Variants in ADAMTS2 observed in about 807,000 individuals in gnomAD.
ADAMTS2 encodes A disintegrin and metalloproteinase with thrombospondin motifs 2.
In ADAMTS2, 50 loss-of-function variants were observed where a neutral mutation model predicts 123.0. The ratio of observed to expected loss-of-function variants is 0.41; its 90% CI spans 0.32 to 0.51. The LOEUF (loss-of-function observed/expected upper bound fraction) is 0.51. Ranked by LOEUF, ADAMTS2 falls within the 20% of genes least tolerant of loss-of-function variation. ADAMTS2 has a pLI of 0.35. For synonymous variants in ADAMTS2, 678 were observed against 695.4 expected, an observed-to-expected ratio of 0.98 and a Z score of 0.39; for missense variants, 1,494 against 1,705.2, an observed-to-expected ratio of 0.88 and a Z score of 2.18.
intron 2 of ADAMTS2, among the ~76,000 whole-genome samples, chr5:179,343,048 C>T (rs1054928716): frequency 1.3e-5 from 2 of 152,206 alleles, no homozygotes; most frequent in Non-Finnish European, 2.9e-5. Flanking sequence ...ATGCACCCCT[C>T]AGCTCAAAAT....
chr5:179,128,188 C>CG lies in ADAMTS2; in HGVS notation c.2458-71dup. The CG allele has an allele frequency of 5.0e-6, 8 of 1,593,674 alleles. No homozygotes were observed. Among genetic ancestry groups the CG allele is most frequent in the Non-Finnish European group, 6.8e-6 (8 of 1,171,564 alleles). On this transcript the variant is annotated intron_variant, in intron 16 of 21. Coordinates refer to ENST00000251582, the MANE Select transcript of ADAMTS2 (RefSeq NM_014244.5). This position sits in a 1 kb window ranked among gnomAD's most constrained non-coding sequence, Gnocchi z 4.9. ...GCTTCCTCCCCAGCCAGCTTAGGAA[C>CG]GGCAGCTGAGGCCGACTCCAGAGGA...
At chr5:179,235,669 A>G (rs1765507639) in intron 3 of ADAMTS2, among the ~76,000 whole-genome samples, 1 of 152,214 alleles carries the variant, frequency 6.6e-6, no homozygotes, top group Admixed American at 6.5e-5. Flanking sequence ...GAGGAAGGGC[A>G]GAGAGGAAGG....
chr5:179,116,260 A>ACCCCCCCCCCCCCCCCCCCCCCCCCCCC (rs146306326), intron 21 of ADAMTS2, among the ~76,000 whole-genome samples: 5 of 93,866 alleles, frequency 5.3e-5, no homozygotes, highest in Non-Finnish European at 6.7e-5. Context: ...TGACCACGGC[A>ACCCCCCCCCCCCCCCCCCCCCCCCCCCC]CCCCCCCCCC....
At chr5:179,163,255 C>T (rs1763633678) in intron 5 of ADAMTS2, among the ~76,000 whole-genome samples, 1 of 152,206 alleles carries the variant, frequency 6.6e-6, no homozygotes, top group African/African-American at 2.4e-5. Context: ...AAAGTAAGTC[C>T]ATCTTGTGTT....
intron 5 of ADAMTS2, among the ~76,000 whole-genome samples, chr5:179,161,644 A>C (rs1239579886): frequency 6.6e-6 from 1 of 152,220 alleles, no homozygotes; most frequent in African/African-American, 2.4e-5. Context: ...GGAATCCGTA[A>C]GAATGTATTG....
At chr5:179,230,055 T>C (rs1765373610) in intron 3 of ADAMTS2, among the ~76,000 whole-genome samples, 1 of 152,248 alleles carries the variant, frequency 6.6e-6, no homozygotes, top group Non-Finnish European at 1.5e-5. Context: ...AATCTGTTTT[T>C]GACTTTGTTA....
chr5:179,167,266 C>T (rs1338620436), intron 5 of ADAMTS2, among the ~76,000 whole-genome samples: 2 of 151,972 alleles, frequency 1.3e-5, no homozygotes, highest in Non-Finnish European at 2.9e-5. Context: ...AAGGGCCGGG[C>T]CCGAGCGGCC....
Position 179,228,679 on chromosome 5 carries a change from C to A in ADAMTS2, c.689-20964G>T, listed in dbSNP as rs1252460751. On this transcript the variant is annotated intron_variant, in intron 3 of 21. Transcript: ENST00000251582. The surrounding 1 kb of genome is among the most constrained non-coding windows in gnomAD (Gnocchi z 5.2). The stretch of plus-strand genomic sequence containing the variant: ...TGCGCGGCTGGGCCGACTGTGCCTG[C>A]CCTTAAGGCAGGCAGAACACTAACC... Among the ~76,000 whole-genome samples the A allele has an allele frequency of 6.6e-6, 1 of 152,256 alleles. No homozygotes were observed. Among genetic ancestry groups the A allele is most frequent in the African/African-American group, 2.4e-5 (1 of 41,470 alleles).
chr5:179,213,926 T>C (rs1488513420), intron 3 of ADAMTS2, among the ~76,000 whole-genome samples: 1 of 152,224 alleles, frequency 6.6e-6, no homozygotes, highest in Non-Finnish European at 1.5e-5. Flanking sequence ...TCCAGACAAG[T>C]CTGATACAGC....
Position 179,256,584 on chromosome 5 carries a change from C to A in ADAMTS2, c.688+16327G>T, listed in dbSNP as rs1455036074. Among the ~76,000 whole-genome samples, 2 of 152,126 alleles carry A rather than the reference C, an allele frequency of 1.3e-5. No individual in the cohort carries two copies. The highest frequency in any genetic ancestry group is 2.4e-5 in the African/African-American group (1 of 41,394). On this transcript the variant is annotated intron_variant, in intron 3 of 21. Coordinates refer to ENST00000251582, the MANE Select transcript of ADAMTS2 (RefSeq NM_014244.5). The surrounding 1 kb of genome is among the most constrained non-coding windows in gnomAD (Gnocchi z 4.1). ...GAGTTTATGTACGTGTAACTACCAACCAGAGTCCAGGAGTCTCACACTCCA... is the reference window on the plus strand; with the variant it reads ...GAGTTTATGTACGTGTAACTACCAAACAGAGTCCAGGAGTCTCACACTCCA...
chr5:179,205,529 C>G (rs252065), intron 4 of ADAMTS2, among the ~76,000 whole-genome samples: 1 of 152,038 alleles, frequency 6.6e-6, no homozygotes, highest in Non-Finnish European at 1.5e-5. Context: ...GGCCTGGAGT[C>G]GCCATCGGAC....
At chr5:179,297,738 G>A (rs1394158168) in intron 2 of ADAMTS2, among the ~76,000 whole-genome samples, 1 of 151,844 alleles carries the variant, frequency 6.6e-6, no homozygotes, top group African/African-American at 2.4e-5. Context: ...GCTCTGAGCC[G>A]AGACAACCCA....
intron 2 of ADAMTS2, among the ~76,000 whole-genome samples, chr5:179,302,412 G>A (rs997836342): frequency 3.3e-5 from 5 of 150,382 alleles, no homozygotes; most frequent in African/African-American, 1.2e-4. Context: ...AAAAAAGCGG[G>A]GGAGTGATAA....
At chr5:179,178,102 T>G (rs1442984277) in intron 5 of ADAMTS2, among the ~76,000 whole-genome samples, 2 of 152,174 alleles carry the variant, frequency 1.3e-5, no homozygotes, top group Non-Finnish European at 2.9e-5. Context: ...AAAGAGGATA[T>G]AACTCTGTCC....
intron 2 of ADAMTS2, among the ~76,000 whole-genome samples, chr5:179,279,946 C>T (rs1194025412): frequency 6.6e-6 from 1 of 152,268 alleles, no homozygotes; most frequent in Non-Finnish European, 1.5e-5. Context: ...AGCTCCTCCT[C>T]TGTCTCATGG....
At chr5:179,217,849 C>T (rs113745792) in intron 3 of ADAMTS2, among the ~76,000 whole-genome samples, 1,932 of 66,472 alleles carry the variant, frequency 0.029, 66 homozygotes, top group African/African-American at 0.086. Flanking sequence ...CAGGCACACT[C>T]ACTAGGTAGG....
chr5:179,199,252 C>G (rs889494844), intron 4 of ADAMTS2, among the ~76,000 whole-genome samples: 1 of 152,196 alleles, frequency 6.6e-6, no homozygotes, highest in African/African-American at 2.4e-5. Context: ...GCTCCTGGGG[C>G]AATGCAGCAT....
At chr5:179,253,036 C>T (rs554077791) in intron 3 of ADAMTS2, among the ~76,000 whole-genome samples, 1 of 152,342 alleles carries the variant, frequency 6.6e-6, no homozygotes, top group Admixed American at 6.5e-5. Flanking sequence ...GTCTTGAGGT[C>T]TGTTGAGTCT....
At chr5:179,315,452 G>A (rs1170973883) in intron 2 of ADAMTS2, among the ~76,000 whole-genome samples, 1 of 152,228 alleles carries the variant, frequency 6.6e-6, no homozygotes, top group East Asian at 1.9e-4. Flanking sequence ...AACAGAGCTT[G>A]GGTGGGAGGG....
Sources: gnomAD v4.1 joint callset for allele counts (sites outside exome capture counted in the v4.1 genomes callset) on GRCh38, gnomAD v4.1.1 for gene constraint, Gnocchi (gnomAD v3.1) non-coding constraint, MANE v1.5 for transcripts, NCBI Gene and HGNC (gene_info 2026-07-23, HGNC 2026-07-21) for gene names.